The following SPTA1 variants were observed in gnomAD, a reference collection of about 807,000 sequenced individuals.
SPTA1 encodes the protein spectrin alpha chain, erythrocytic 1.
Under a neutral mutation model 324.7 loss-of-function variants are expected in SPTA1, and 177 were observed. The ratio of observed to expected loss-of-function variants is 0.55; its 90% CI spans 0.48 to 0.62. The LOEUF (loss-of-function observed/expected upper bound fraction) is 0.62, where lower values mean the gene tolerates loss of function less well. SPTA1 is among the 20% of genes least tolerant of loss of function. The pLI is 0.00. For synonymous variants in SPTA1, 1,195 were observed against 1,041.3 expected (o/e 1.15, Z -2.84); for missense variants, 3,162 against 2,883.6 (o/e 1.10, Z -2.21).
chr1:158,611,169 G>A lies in SPTA1; in HGVS notation c.*95C>T, dbSNP rs995337947. ...CACACACACACACACACACACACGA[G>A]GCCATCTTTATCTTCCACATTTGCC... On this transcript the variant is annotated 3_prime_UTR_variant, in exon 52 of 52. Transcript: ENST00000643759. 9.6e-7 allele frequency: 1 copy of A among 1,045,622 alleles called. No individual in the cohort carries two copies. Among genetic ancestry groups the A allele is most frequent in the African/African-American group, 2.0e-5 (1 of 51,272 alleles). 64.8% of individuals were successfully genotyped at this position (1,045,622 alleles called of 1,614,324 possible).
chr1:158,643,294 G>A (rs1651752839), intron 31 of SPTA1, 28 bp downstream of exon 31: 1 of 1,611,128 alleles, frequency 6.2e-7, no homozygotes, highest in East Asian at 2.2e-5. Context: ...TCTTCCTTTG[G>A]CACATAAAAC....
chr1:158,686,513 TC>T lies in SPTA1; in HGVS notation c.4del (p.Glu2SerfsTer31). The T allele has an allele frequency of 1.3e-6, 2 of 1,593,524 alleles. No homozygotes were observed. Among genetic ancestry groups the T allele is most frequent in the Non-Finnish European group, 1.7e-6 (2 of 1,161,862 alleles). M[E>X]QFPKETVVES... ...ACTTACGGTTTCCTTTGGAAATTGC[TC>T]CATTTTTCCTAAAGGTTTAGAACCT... On this transcript the variant is annotated frameshift_variant, in exon 1 of 52. Coordinates refer to ENST00000643759, the MANE Select transcript of SPTA1 (RefSeq NM_003126.4). LOFTEE classifies it high-confidence loss of function.
chr1:158,664,258 G>A (rs945872595), intron 16 of SPTA1, among the ~76,000 whole-genome samples: 2 of 152,152 alleles, frequency 1.3e-5, no homozygotes, highest in Admixed American at 1.3e-4. Flanking sequence ...ATTTACAATA[G>A]CAAAGACTTA....
At chr1:158,648,709 T>C (rs1022004867) in intron 25 of SPTA1, 56 bp from the exon 26 acceptor site, 2 of 1,600,876 alleles carry the variant, frequency 1.2e-6, no homozygotes, top group Admixed American at 1.7e-5. Context: ...AGAGGCAGGC[T>C]AGTGGGGGTC....
At chr1:158,630,862 A>G (rs111491956) in intron 39 of SPTA1, among the ~76,000 whole-genome samples, 8,093 of 152,192 alleles carry the variant, frequency 0.053, 484 homozygotes, top group African/African-American at 0.15. Context: ...TGGGCTAAAA[A>G]CAAACATGAA....
At position 158,685,086 on chromosome 1, in the gene SPTA1, G is replaced by A. The variant is rs1458804806; in HGVS notation, c.264+22C>T. ...TAGAGATCTTAGGGTCTGCTCTGAG[G>A]CAATCAAGAGAACTGAGTGACCTGT... On this transcript the variant is annotated intron_variant, in intron 2 of 51. Transcript: ENST00000643759. 3.1e-6 allele frequency: 5 copies of A among 1,613,276 alleles called. No individual in the cohort carries two copies. In the East Asian group the frequency reaches 6.7e-5, roughly 22 times the overall value.
At chr1:158,681,186 T>C (rs1156612885) in intron 4 of SPTA1, among the ~76,000 whole-genome samples, 1 of 152,092 alleles carries the variant, frequency 6.6e-6, no homozygotes, top group East Asian at 1.9e-4. Context: ...GAAAGAGCTG[T>C]CAATACTCTC....
chr1:158,647,835 G>A, intron 26 of SPTA1, 115 bp from the exon 27 acceptor site: 1 of 1,120,200 alleles, frequency 8.9e-7, no homozygotes, highest in Non-Finnish European at 1.3e-6. Context: ...TGATGTACAA[G>A]TATGTCATCA....
chr1:158,683,491 T>C lies in SPTA1; in HGVS notation c.270A>G (p.Lys90=). ...SYEDPTNIQG[K]YQKHQSLEAE... ...CTTCAAGGGATTGATGCTTCTGATATTTCCCCTAAAGTTTAGAAATCAGAG... is the reference window on the plus strand; with the variant it reads ...CTTCAAGGGATTGATGCTTCTGATACTTCCCCTAAAGTTTAGAAATCAGAG... Residue 90 remains lysine (K), a synonymous_variant, in exon 3 of 52, where the codon AAA becomes AAG. Coordinates refer to ENST00000643759, the MANE Select transcript of SPTA1 (RefSeq NM_003126.4). 6.2e-7 allele frequency: 1 copy of C among 1,613,038 alleles called. No individual in the cohort carries two copies. The highest frequency in any genetic ancestry group is 8.5e-7 in the Non-Finnish European group (1 of 1,179,338).
At chr1:158,683,560 T>G (rs760297479) in intron 2 of SPTA1, 64 bp from the exon 3 acceptor site, 28 of 1,603,960 alleles carry the variant, frequency 1.7e-5, no homozygotes, top group Non-Finnish European at 2.4e-5. Context: ...ATGTTCACTC[T>G]ATGTAAAGCC....
chr1:158,629,105 C>T (rs187978728), intron 39 of SPTA1, among the ~76,000 whole-genome samples: 19 of 151,496 alleles, frequency 1.3e-4, no homozygotes, highest in South Asian at 8.4e-4. Context: ...CAAAGCCAGG[C>T]GATAATTCTC....
At chr1:158,612,535 A>C (rs1434297934) in intron 51 of SPTA1, 1 of 423,646 alleles carries the variant, frequency 2.4e-6, no homozygotes, top group African/African-American at 2.0e-5. Flanking sequence ...AGCATTCAAT[A>C]AATGCTCTTT....
intron 39 of SPTA1, among the ~76,000 whole-genome samples, chr1:158,630,338 C>T (rs1053444891): frequency 1.3e-5 from 2 of 151,768 alleles, no homozygotes; most frequent in Admixed American, 6.6e-5. Flanking sequence ...AGAAATAAAC[C>T]CATGTATATG....
rs757504831 is a variant in SPTA1 at position 158,614,296 on chromosome 1, C to A, written c.6799G>T (p.Gly2267Cys). Residue 2267 changes from glycine to cysteine, a missense_variant, in exon 49 of 52, where the codon GGT becomes TGT. Coordinates refer to ENST00000643759, the MANE Select transcript of SPTA1 (RefSeq NM_003126.4). The part of the protein sequence containing the change: ...EQQIQAKDIK[G>C]VSEETLKEFS... ...TCCTTTAGAGTCTCTTCACTCACAC[C>A]TTTGATGTCCCTGAAAGAAAAAAAA... 14 of 1,565,648 alleles carry A rather than the reference C, an allele frequency of 8.9e-6. No individual in the cohort carries two copies. Among genetic ancestry groups the A allele is most frequent in the African/African-American group, 1.4e-5 (1 of 71,844 alleles).
intron 2 of SPTA1, among the ~76,000 whole-genome samples, chr1:158,683,699 A>T (rs1654971378): frequency 6.6e-6 from 1 of 152,120 alleles, no homozygotes; most frequent in East Asian, 1.9e-4. Context: ...ATCTATGCCG[A>T]GCCTTATTTT....
chr1:158,674,805 C>T, intron 8 of SPTA1, 130 bp from the exon 9 acceptor site: 2 of 1,272,822 alleles, frequency 1.6e-6, no homozygotes, highest in Non-Finnish European at 1.1e-6. Context: ...TTCCCTTTTT[C>T]CTGATTATTT....
rs1571456833 is a variant in SPTA1, at chr1:158,652,532, C to T, written c.3310G>A (p.Glu1104Lys). 1.2e-6 allele frequency: 2 copies of T among 1,614,154 alleles called. No homozygotes were observed. Among genetic ancestry groups the T allele is most frequent in the Non-Finnish European group, 1.7e-6 (2 of 1,180,030 alleles). Residue 1104 changes from glutamate to lysine, a missense_variant, in exon 23 of 52, where the codon GAA becomes AAA. Physicochemically the swap from Glu to Lys is moderately conservative, Grantham distance 56 (BLOSUM62 1). Coordinates refer to ENST00000643759, the MANE Select transcript of SPTA1 (RefSeq NM_003126.4). ...MLEWIQEKKA[E>K]NTGVELDDVW... ...TCATCTAGTTCCACTCCAGTGTTTT[C>T]TGCCTTTTTCTCTTGAATCCATTCC...
chr1:158,624,346 A>C (rs1465426417), intron 42 of SPTA1, among the ~76,000 whole-genome samples: 1 of 152,116 alleles, frequency 6.6e-6, no homozygotes. Context: ...CCTAGGAGGG[A>C]GGCTGTACCC....
intron 25 of SPTA1, 119 bp downstream of exon 25, chr1:158,649,737 G>T: frequency 1.2e-6 from 1 of 824,878 alleles, no homozygotes; most frequent in Non-Finnish European, 2.0e-6. Flanking sequence ...ATTTTCTATT[G>T]GCACATTGTC....
Sources: gnomAD v4.1 joint callset for allele counts (sites outside exome capture counted in the v4.1 genomes callset) on GRCh38, gnomAD v4.1.1 for gene constraint, MANE v1.5 for transcripts, NCBI Gene and HGNC (gene_info 2026-07-23, HGNC 2026-07-21) for gene names.